The following PPEF1 variants were observed in gnomAD, a reference collection of about 807,000 sequenced individuals.
The protein encoded by PPEF1 is serine/threonine-protein phosphatase with EF-hands 1.
In PPEF1, 12 loss-of-function variants were observed where a neutral mutation model predicts 53.3. That is an observed-to-expected ratio of 0.23 (90% CI 0.14 to 0.36). The LOEUF is 0.36. Ranked by LOEUF, PPEF1 falls within the 10% of genes least tolerant of loss-of-function variation. The pLI, the probability that PPEF1 is intolerant of heterozygous loss-of-function variation, is 1.00. For missense variants in PPEF1, 334 were observed against 490.4 expected (o/e 0.68, Z 3.01); for synonymous variants, 165 against 176.7 (o/e 0.93, Z 0.52).
chrX:18,696,498 A>G (rs1244455776), intron 4 of PPEF1, among the ~76,000 whole-genome samples: 1 of 111,188 alleles, frequency 9.0e-6, no homozygotes. Context: ...AAGTTTCGTG[A>G]GAATGGACCA....
chrX:18,738,065 T>G (rs773289884), intron 3 of PPEF1, among the ~76,000 whole-genome samples: 1 of 111,048 alleles, frequency 9.0e-6, no homozygotes, highest in East Asian at 2.8e-4. Context: ...TGATGGGTCT[T>G]GACTCTTTAT....
rs192382846 is a variant in PPEF1, at chrX:18,765,206, G to A, written c.558+3630G>A. Among the ~76,000 whole-genome samples, 724 of 111,692 alleles carry A rather than the reference G, an allele frequency of 6.5e-3. 1 individual carries two copies. The highest frequency in any genetic ancestry group is 9.5e-3 in the Non-Finnish European group (507 of 53,154). On this transcript the variant is annotated intron_variant, in intron 6 of 15. Transcript: ENST00000470157. ...GTCTGGAAAACAGAAGTGTGCAAGAGCCATGGATTAGAATTCTGGCAGGCG... is the reference window on the plus strand; with the variant it reads ...GTCTGGAAAACAGAAGTGTGCAAGAACCATGGATTAGAATTCTGGCAGGCG...
At chrX:18,675,478 C>T (rs1355377690), upstream of PPEF1, among the ~76,000 whole-genome samples, 1 of 113,390 alleles carries the variant, frequency 8.8e-6, no homozygotes, top group Non-Finnish European at 1.9e-5. Context: ...GCCCTTTGCC[C>T]GAGGGTGTGG....
chrX:18,675,998 C>G (rs1283988928), exon 1 of PPEF1: 1 of 98,200 alleles, frequency 1.0e-5, no homozygotes, highest in Admixed American at 1.3e-4. Context: ...TGAACTTGGT[C>G]TGCAGGCAGC....
chrX:18,775,648 A>C (rs1413877669), intron 6 of PPEF1, among the ~76,000 whole-genome samples: 2 of 112,359 alleles, frequency 1.8e-5, no homozygotes, highest in East Asian at 5.6e-4. Context: ...TTCCTCCAGC[A>C]GTCCTGTTTT....
chrX:18,796,016 C>T (rs1489907213), intron 10 of PPEF1, among the ~76,000 whole-genome samples: 3 of 112,160 alleles, frequency 2.7e-5, no homozygotes, highest in Middle Eastern at 4.6e-3. Flanking sequence ...AGTGCAGTGG[C>T]GCAATCTCAG....
At chrX:18,821,096 G>A (rs916990762) in intron 13 of PPEF1, among the ~76,000 whole-genome samples, 6 of 107,759 alleles carry the variant, frequency 5.6e-5, no homozygotes, top group Non-Finnish European at 9.6e-5. Flanking sequence ...GGTGGCGGGC[G>A]CCTGTAGTCC....
intron 13 of PPEF1, among the ~76,000 whole-genome samples, chrX:18,820,812 T>C (rs1349441335): frequency 1.8e-5 from 2 of 112,182 alleles, no homozygotes; most frequent in African/African-American, 6.5e-5. Context: ...TGAATCTCAA[T>C]AGGTTTTGAA....
rs528325086 is a variant in PPEF1, at chrX:18,709,332, G to A, written c.46+1506G>A. The stretch of plus-strand genomic sequence containing the variant: ...TCTATTCTGGACATTTCATGTAAAT[G>A]GAGTCATATATTATGTGACCTTTTG... On this transcript the variant is annotated intron_variant, in intron 1 of 15. Transcript: ENST00000470157. 1.6e-3 allele frequency among the ~76,000 whole-genome samples: 174 copies of A among 111,832 alleles called. 1 individual carries two copies. In the South Asian group the frequency reaches 0.063, roughly 40 times the overall value.
intron 1 of PPEF1, among the ~76,000 whole-genome samples, chrX:18,713,077 A>G (rs139546521): frequency 0.024 from 2,733 of 111,783 alleles, 37 homozygotes; most frequent in Non-Finnish European, 0.038. Flanking sequence ...ATACTGATCT[A>G]TAGTTTTCTT....
chrX:18,809,097 A>ATCTG (rs1555978289), intron 12 of PPEF1, among the ~76,000 whole-genome samples: 82 of 93,720 alleles, frequency 8.7e-4, no homozygotes, highest in African/African-American at 4.2e-3. Flanking sequence ...CATTATATCT[A>ATCTG]TCTATCTATC....
At chrX:18,709,894 C>T (rs188211883) in intron 1 of PPEF1, among the ~76,000 whole-genome samples, 7 of 112,037 alleles carry the variant, frequency 6.2e-5, no homozygotes, top group East Asian at 5.6e-4. Context: ...CTGGGTCATA[C>T]GGTAGCTTTA....
intron 4 of PPEF1, among the ~76,000 whole-genome samples, chrX:18,696,479 C>T (rs1158401223): frequency 9.0e-6 from 1 of 110,901 alleles, no homozygotes; most frequent in Non-Finnish European, 1.9e-5. Context: ...ATCATGGACC[C>T]CTCACAGTAA....
intron 3 of PPEF1, among the ~76,000 whole-genome samples, chrX:18,740,738 A>G (rs1369655793): frequency 2.7e-5 from 3 of 111,057 alleles, no homozygotes; most frequent in Non-Finnish European, 3.8e-5. Context: ...CTGTCTGTCT[A>G]CCTATCATCT....
chrX:18,807,667 T>C (rs1266871601), intron 12 of PPEF1, among the ~76,000 whole-genome samples: 1 of 108,436 alleles, frequency 9.2e-6, no homozygotes, highest in Admixed American at 9.9e-5. Flanking sequence ...ATGTACATAC[T>C]TTTTTTTTTA....
intron 12 of PPEF1, among the ~76,000 whole-genome samples, chrX:18,806,835 A>G (rs2046677952): frequency 1.8e-5 from 2 of 111,303 alleles, no homozygotes; most frequent in African/African-American, 3.3e-5. Flanking sequence ...CAGTCCCCCA[A>G]CCTACAACCT....
intron 5 of PPEF1, among the ~76,000 whole-genome samples, chrX:18,760,310 G>T (rs1422323712): frequency 9.0e-6 from 1 of 111,113 alleles, no homozygotes; most frequent in Non-Finnish European, 1.9e-5. Context: ...AATGGCTTCA[G>T]ATACTCATGA....
At chrX:18,710,782 GAAC>G (rs1296491542) in intron 1 of PPEF1, among the ~76,000 whole-genome samples, 2 of 111,176 alleles carry the variant, frequency 1.8e-5, no homozygotes, top group African/African-American at 3.3e-5. Flanking sequence ...ATTTCTCAAA[GAAC>G]TAAAAATAGA....
intron 3 of PPEF1, among the ~76,000 whole-genome samples, chrX:18,747,355 G>T (rs1176144862): frequency 8.9e-6 from 1 of 112,059 alleles, no homozygotes; most frequent in Non-Finnish European, 1.9e-5. Flanking sequence ...AAAGGGTGTG[G>T]GGAACAGCTC....
Sources: gnomAD v4.1 joint callset for allele counts (sites outside exome capture counted in the v4.1 genomes callset) on GRCh38, gnomAD v4.1.1 for gene constraint, MANE v1.5 for transcripts, NCBI Gene and HGNC (gene_info 2026-07-23, HGNC 2026-07-21) for gene names.